AK8: variants seen among roughly 807,000 people sequenced by gnomAD.
AK8 encodes the protein adenylate kinase 8.
AK8 carries 44 observed loss-of-function variants against 54.6 expected under a neutral mutation model. That is an observed-to-expected ratio of 0.81 (90% confidence interval 0.63 to 1.04). The LOEUF (loss-of-function observed/expected upper bound fraction) is 1.04, where lower values mean the gene tolerates loss of function less well. AK8 is among the 50% of genes least tolerant of loss of function. The pLI is 0.00. For missense variants in AK8, 555 were observed against 613.6 expected (o/e 0.90, Z 1.01); for synonymous variants, 239 against 245.6 (o/e 0.97, Z 0.25).
At chr9:132,756,435 A>G (rs948664288) in intron 11 of AK8, among the ~76,000 whole-genome samples, 10 of 152,236 alleles carry the variant, frequency 6.6e-5, no homozygotes, top group African/African-American at 2.4e-4. Flanking sequence ...GGCGCCTGCA[A>G]CCTGCGAAGC....
chr9:132,861,890 T>C (rs1843403843), intron 4 of AK8, among the ~76,000 whole-genome samples: 2 of 152,156 alleles, frequency 1.3e-5, no homozygotes, highest in Non-Finnish European at 2.9e-5. Flanking sequence ...GCCTTTCATC[T>C]TCCCTCCACC....
At chr9:132,832,129 G>A (rs1413141317) in intron 5 of AK8, among the ~76,000 whole-genome samples, 1 of 95,696 alleles carries the variant, frequency 1.0e-5, no homozygotes, top group Non-Finnish European at 2.0e-5. Flanking sequence ...TTAGGTTCCC[G>A]TAGCCTCCAC....
chr9:132,749,980 C>G (rs1361380799), intron 11 of AK8, among the ~76,000 whole-genome samples: 1 of 150,434 alleles, frequency 6.6e-6, no homozygotes, highest in Non-Finnish European at 1.5e-5. Context: ...ACAGCACACT[C>G]CTAGAGATAC....
At chr9:132,745,483 C>T (rs866498410) in intron 11 of AK8, among the ~76,000 whole-genome samples, 4 of 152,134 alleles carry the variant, frequency 2.6e-5, no homozygotes, top group Non-Finnish European at 2.9e-5. Flanking sequence ...TTACAGTACC[C>T]GAGCTGGGCC....
chr9:132,727,491 G>A lies in AK8; in HGVS notation c.1165C>T (p.Leu389=), dbSNP rs1281259073. 5 of 1,614,052 alleles carry A rather than the reference G, an allele frequency of 3.1e-6. No homozygotes were observed. Among genetic ancestry groups the A allele is most frequent in the Non-Finnish European group, 3.4e-6 (4 of 1,180,002 alleles). ...NVPFDSIMER[L]TLRRIDPVTG... is the part of the protein sequence containing the mutation. ...ACTGGATCAATTCTTCTCAGAGTCA[G>A]CCGCTCCATGATGGAATCAAATGGC... The change falls in exon 12 of 13, where the codon CTG becomes TTG. Residue 389 remains leucine, a synonymous_variant. Coordinates refer to ENST00000298545, the MANE Select transcript of AK8 (RefSeq NM_152572.3).
chr9:132,875,084 G>A (rs766535390), intron 2 of AK8, 31 bp downstream of exon 2: 13 of 1,612,984 alleles, frequency 8.1e-6, no homozygotes, highest in East Asian at 2.2e-5. Flanking sequence ...AAGGGAAGAC[G>A]AGGAGGGGAA....
rs1040349477 is a variant in AK8, at chr9:132,747,864, C to T, written c.1122-20330G>A. On this transcript the variant is annotated intron_variant, in intron 11 of 12. Coordinates refer to ENST00000298545, the MANE Select transcript of AK8 (RefSeq NM_152572.3). ...GGCGTGGTGGCTCACACCTGTAATC[C>T]CAGCACTTTGGGAGGCCGAGGCAGG... 1.7e-4 allele frequency among the ~76,000 whole-genome samples: 26 copies of T among 150,574 alleles called. No homozygotes were observed. The Admixed American group carries it at 1.7e-3, about 10-fold the overall frequency.
intron 5 of AK8, among the ~76,000 whole-genome samples, chr9:132,838,157 CA>C (rs1842401571): frequency 6.6e-6 from 1 of 152,162 alleles, no homozygotes; most frequent in African/African-American, 2.4e-5. Context: ...TTCTGTGGAC[CA>C]GCATCTAGCT....
intron 9 of AK8, among the ~76,000 whole-genome samples, chr9:132,821,157 G>T (rs1841582551): frequency 6.6e-6 from 1 of 151,506 alleles, no homozygotes; most frequent in Non-Finnish European, 1.5e-5. Context: ...TTGAATGAGA[G>T]TGTCTGCATC....
intron 5 of AK8, among the ~76,000 whole-genome samples, chr9:132,840,429 CA>C (rs1842492791): frequency 6.6e-6 from 1 of 151,904 alleles, no homozygotes; most frequent in Non-Finnish European, 1.5e-5. Flanking sequence ...CACACACACA[CA>C]CACACACACA....
intron 11 of AK8, among the ~76,000 whole-genome samples, chr9:132,786,260 C>T (rs1467130928): frequency 6.6e-6 from 1 of 152,186 alleles, no homozygotes; most frequent in African/African-American, 2.4e-5. Flanking sequence ...TCACTCCACC[C>T]AGCTGAGTGA....
intron 2 of AK8, among the ~76,000 whole-genome samples, chr9:132,872,693 G>C (rs535740333): frequency 1.3e-5 from 2 of 152,042 alleles, no homozygotes; most frequent in South Asian, 4.1e-4. Context: ...GAGTGCAGTG[G>C]TGCGATCTCA....
At chr9:132,749,689 C>A (rs754133249) in intron 11 of AK8, among the ~76,000 whole-genome samples, 2 of 150,662 alleles carry the variant, frequency 1.3e-5, no homozygotes, top group African/African-American at 4.9e-5. Flanking sequence ...CTCTTAAGTG[C>A]TTCATTTACT....
chr9:132,752,003 T>C (rs1187140310), intron 11 of AK8, among the ~76,000 whole-genome samples: 1 of 151,726 alleles, frequency 6.6e-6, no homozygotes, highest in African/African-American at 2.4e-5. Context: ...CACACCTGAC[T>C]AATTTTTTTT....
intron 11 of AK8, among the ~76,000 whole-genome samples, chr9:132,746,666 T>C (rs932333085): frequency 6.6e-6 from 1 of 152,210 alleles, no homozygotes; most frequent in Non-Finnish European, 1.5e-5. Flanking sequence ...CACCCCTTAA[T>C]TGCGCAGTGG....
At chr9:132,866,874 G>A (rs775952984) in intron 3 of AK8, 30 bp downstream of exon 3, 2 of 1,606,960 alleles carry the variant, frequency 1.2e-6, no homozygotes, top group Non-Finnish European at 1.7e-6. Context: ...AGATATTACA[G>A]CATCACAACA....
intron 11 of AK8, among the ~76,000 whole-genome samples, chr9:132,768,613 G>C (rs1394246228): frequency 6.6e-5 from 10 of 152,104 alleles, no homozygotes; most frequent in Admixed American, 5.9e-4. Context: ...CCATTTCTAT[G>C]AATTTTCCCC....
intron 11 of AK8, among the ~76,000 whole-genome samples, chr9:132,737,114 G>A (rs1837158895): frequency 6.6e-6 from 1 of 151,666 alleles, no homozygotes; most frequent in Non-Finnish European, 1.5e-5. Flanking sequence ...ACTTAAAGAT[G>A]GTCAAAATAG....
intron 11 of AK8, among the ~76,000 whole-genome samples, chr9:132,760,456 C>A (rs1305226800): frequency 6.6e-6 from 1 of 152,186 alleles, no homozygotes; most frequent in African/African-American, 2.4e-5. Context: ...GGTAACCTTG[C>A]TAAACTCTCA....
Sources: gnomAD v4.1 joint callset for allele counts (sites outside exome capture counted in the v4.1 genomes callset) on GRCh38, gnomAD v4.1.1 for gene constraint, MANE v1.5 for transcripts, NCBI Gene and HGNC (gene_info 2026-07-23, HGNC 2026-07-21) for gene names.